Variants in SLC15A2 observed in about 807,000 individuals in gnomAD.
SLC15A2 encodes the protein solute carrier family 15 member 2, also known as kidney H(+)/peptide cotransporter.
SLC15A2 carries 77 observed loss-of-function variants against 95.5 expected under a neutral mutation model. That is an observed-to-expected ratio of 0.81 (90% confidence interval 0.67 to 0.97). The LOEUF is 0.97. Among genes scored for constraint, SLC15A2 ranks in the 50% least tolerant of loss-of-function variants. The probability of loss-of-function intolerance (pLI) is 0.00; values close to 1 mark genes in which losing one functional copy is unlikely to be tolerated. For missense variants in SLC15A2, 893 were observed against 874.4 expected, an observed-to-expected ratio of 1.02 and a Z score of -0.27; for synonymous variants, 306 against 306.9, an observed-to-expected ratio of 1.00 and a Z score of 0.03.
At chr3:121,895,980 G>C (rs1709406858) in intron 1 of SLC15A2, among the ~76,000 whole-genome samples, 1 of 152,184 alleles carries the variant, frequency 6.6e-6, no homozygotes, top group South Asian at 2.1e-4. Flanking sequence ...CTGGGGACAA[G>C]AGTCCCCATA....
chr3:121,894,605 C>A, intron 1 of SLC15A2, 24 bp downstream of exon 1: 1 of 1,574,226 alleles, frequency 6.4e-7, no homozygotes, highest in South Asian at 1.1e-5. Flanking sequence ...TTCAATCCTG[C>A]CTCTGAGAGG....
intron 19 of SLC15A2, among the ~76,000 whole-genome samples, chr3:121,936,903 C>T (rs548886870): frequency 3.6e-4 from 53 of 147,034 alleles, no homozygotes; most frequent in African/African-American, 9.6e-4. Context: ...CGGCTGGTAC[C>T]GGTTGTTCCT....
chr3:121,929,097 G>T lies in SLC15A2; in HGVS notation c.1457G>T (p.Trp486Leu), dbSNP rs1413820107. The T allele has an allele frequency of 1.2e-6, 2 of 1,613,850 alleles. No individual in the cohort carries two copies. Among genetic ancestry groups the T allele is most frequent in the African/African-American group, 1.3e-5 (1 of 74,914 alleles). Residue 486 changes from tryptophan (W) to leucine (L), a missense_variant, in exon 16 of 22, where the codon TGG becomes TTG. Transcript: ENST00000489711. ...YTEHSVQEKN[W>L]YSLVIREDGN... ...GAGCATTCTGTGCAGGAGAAGAACT[G>T]GTACAGTCTTGTCATTCGTGAAGAT...
intron 3 of SLC15A2, among the ~76,000 whole-genome samples, chr3:121,911,274 T>C (rs1390647640): frequency 6.6e-6 from 1 of 152,194 alleles, no homozygotes; most frequent in Non-Finnish European, 1.5e-5. Flanking sequence ...GTAGGGTTTC[T>C]CTGTGTGTGT....
intron 19 of SLC15A2, among the ~76,000 whole-genome samples, chr3:121,934,692 A>C (rs1436547843): frequency 6.6e-6 from 1 of 152,102 alleles, no homozygotes; most frequent in East Asian, 1.9e-4. Flanking sequence ...CTAGATATAC[A>C]ATCATGTCGT....
chr3:121,903,619 A>G (rs1709564565), intron 3 of SLC15A2, among the ~76,000 whole-genome samples: 1 of 152,134 alleles, frequency 6.6e-6, no homozygotes, highest in African/African-American at 2.4e-5. Flanking sequence ...TCCTTTCCCC[A>G]TTGCTTGTTT....
rs1048507561 is a variant in SLC15A2, at chr3:121,924,486, G to A, written c.1035+103G>A. ...ACCATAATTTGATGCTTTTCTCCTT[G>A]TACGCTGATAAGGGCCAAGCTTCGA... On this transcript the variant is annotated intron_variant, in intron 12 of 21. Transcript: ENST00000489711. 2.8e-6 allele frequency: 3 copies of A among 1,090,174 alleles called. No individual in the cohort carries two copies. In the South Asian group the frequency reaches 3.9e-5, roughly 14 times the overall value. 67.5% of individuals were successfully genotyped at this position (1,090,174 alleles called of 1,614,324 possible).
rs565263328 is a variant in SLC15A2 at position 121,939,841 on chromosome 3, C to T, written c.1908+346C>T. ...TCGCCCAGGCTGGAGTGCAGTGGCG[C>T]GATCTCAGCTCACTGCATTCCAGCC... On this transcript the variant is annotated intron_variant, in intron 20 of 21. Coordinates refer to ENST00000489711, the MANE Select transcript of SLC15A2 (RefSeq NM_021082.4). 6.6e-5 allele frequency among the ~76,000 whole-genome samples: 10 copies of T among 152,014 alleles called. No homozygotes were observed. The East Asian group carries it at 7.8e-4, about 12-fold the overall frequency.
At chr3:121,928,950 G>A (rs200196629) in intron 15 of SLC15A2, 32 bp from the exon 16 acceptor site, 24 of 1,607,380 alleles carry the variant, frequency 1.5e-5, no homozygotes, top group African/African-American at 5.3e-5. Context: ...GAAGGTGTAC[G>A]TGACCTTCAT....
chr3:121,913,226 C>A, intron 5 of SLC15A2, 106 bp downstream of exon 5: 5 of 781,688 alleles, frequency 6.4e-6, no homozygotes, highest in Non-Finnish European at 1.1e-5. Context: ...CTGGTCAGAT[C>A]TTATCTGAGC....
At chr3:121,938,621 G>T (rs572655151) in intron 19 of SLC15A2, among the ~76,000 whole-genome samples, 1 of 152,214 alleles carries the variant, frequency 6.6e-6, no homozygotes, top group Non-Finnish European at 1.5e-5. Flanking sequence ...CCCTGCTTTG[G>T]CTCGCACACG....
intron 3 of SLC15A2, among the ~76,000 whole-genome samples, chr3:121,898,868 A>G (rs74864402): frequency 5.1e-4 from 77 of 152,298 alleles, no homozygotes; most frequent in Non-Finnish European, 8.7e-4. Context: ...TCATTATTCT[A>G]TAAGTGTTTA....
chr3:121,905,594 A>T (rs995755920), intron 3 of SLC15A2, among the ~76,000 whole-genome samples: 4 of 152,030 alleles, frequency 2.6e-5, no homozygotes, highest in African/African-American at 7.2e-5. Context: ...TTCTGCCTTC[A>T]TTTTGTTATT....
rs2293611 is a variant in SLC15A2 at position 121,924,316 on chromosome 3, G to C, written c.1003-35G>C. On this transcript the variant is annotated intron_variant, in intron 11 of 21. Transcript: ENST00000489711. ...CCAACATTTTTTTTTCTTTTCTTCA[G>C]ACATCAACTAAATTAATTTGTTAAA... is the stretch of plus-strand genomic sequence containing the variant. The C allele has an allele frequency of 0.31, 492,939 of 1,589,774 alleles. 78,950 individuals carry two copies. Among genetic ancestry groups the C allele is most frequent in the Admixed American group, 0.43 (25,686 of 59,438 alleles).
chr3:121,929,349 GT>G lies in SLC15A2; in HGVS notation c.1553+4del. ...CAACCAATGGGATGACAACCGTGAG[GT>G]TTGAATGTCAATGAGATTCCAGGCC... is the stretch of plus-strand genomic sequence containing the variant. On this transcript the variant is annotated splice_donor_variant, in intron 17 of 21. Coordinates refer to ENST00000489711, the MANE Select transcript of SLC15A2 (RefSeq NM_021082.4). LOFTEE classifies it high-confidence loss of function. The G allele has an allele frequency of 6.2e-7, 1 of 1,613,764 alleles. No homozygotes were observed. Among genetic ancestry groups the G allele is most frequent in the Non-Finnish European group, 8.5e-7 (1 of 1,179,704 alleles).
chr3:121,915,462 A>G, intron 6 of SLC15A2, 145 bp downstream of exon 6: 2 of 798,204 alleles, frequency 2.5e-6, no homozygotes, highest in East Asian at 2.5e-5. Context: ...TGTCTGGCCC[A>G]AAAGAAGAAC....
intron 19 of SLC15A2, among the ~76,000 whole-genome samples, chr3:121,935,894 G>T (rs538894944): frequency 3.3e-5 from 5 of 151,796 alleles, no homozygotes; most frequent in Non-Finnish European, 7.4e-5. Flanking sequence ...TTTCTCTTGT[G>T]GGCATTTAGT....
intron 2 of SLC15A2, 129 bp from the exon 3 acceptor site, chr3:121,897,259 C>G: frequency 3.9e-6 from 4 of 1,026,644 alleles, no homozygotes; most frequent in Non-Finnish European, 5.7e-6. Context: ...TCAGTCATGT[C>G]ACTGATAGGA....
At chr3:121,938,878 A>C (rs987007559) in intron 19 of SLC15A2, among the ~76,000 whole-genome samples, 10 of 152,140 alleles carry the variant, frequency 6.6e-5, no homozygotes, top group African/African-American at 2.4e-4. Context: ...AATCTTGTTC[A>C]TTTTCTTCAA....
Sources: allele counts gnomAD v4.1 joint callset (sites outside exome capture counted in the v4.1 genomes callset), GRCh38; gene constraint gnomAD v4.1.1; transcripts MANE v1.5; gene names NCBI Gene and HGNC (gene_info 2026-07-23, HGNC 2026-07-21).